Variants in CCDC175 observed in about 807,000 individuals in gnomAD.
CCDC175 encodes the protein coiled-coil domain containing 175, also known as coiled-coil domain-containing protein 175.
Under a neutral mutation model 114.6 loss-of-function variants are expected in CCDC175, and 100 were observed. The observed-to-expected ratio is 0.87, with a 90% CI of 0.74 to 1.03. The LOEUF is 1.03. Among genes scored for constraint, CCDC175 ranks in the 50% least tolerant of loss-of-function variants. The pLI is 0.00. For synonymous variants in CCDC175, 306 were observed against 308.7 expected (o/e 0.99, Z 0.09); for missense variants, 880 against 917.8 (o/e 0.96, Z 0.53).
chr14:59,547,237 A>C (rs1231916776), intron 8 of CCDC175, among the ~76,000 whole-genome samples: 1 of 152,228 alleles, frequency 6.6e-6, no homozygotes, highest in Non-Finnish European at 1.5e-5. Context: ...AACAAAGAAG[A>C]TCTAAAACAA....
intron 8 of CCDC175, among the ~76,000 whole-genome samples, chr14:59,548,825 T>A (rs1322575289): frequency 2.0e-5 from 3 of 152,148 alleles, no homozygotes; most frequent in Non-Finnish European, 4.4e-5. Flanking sequence ...ATGGAAAGCA[T>A]TTAATTGGTA....
intron 17 of CCDC175, 107 bp downstream of exon 17, chr14:59,521,467 T>C (rs1398300930): frequency 4.8e-6 from 3 of 627,792 alleles, no homozygotes; most frequent in Non-Finnish European, 8.2e-6. Context: ...CTTGTGATCA[T>C]GTGAGTCAGT....
chr14:59,537,903 G>A (rs1884734), intron 13 of CCDC175, 120 bp downstream of exon 13: 619,998 of 625,170 alleles, frequency 0.99, 307,564 homozygotes, highest in East Asian at 1. Context: ...TGAAATTGTA[G>A]CCTCTTTCAT....
chr14:59,551,133 G>T, intron 8 of CCDC175: 1 of 340,194 alleles, frequency 2.9e-6, no homozygotes. Context: ...CACATGAAAA[G>T]TTACCAAAAA....
At chr14:59,555,354 AG>A (rs1895819433) in intron 7 of CCDC175, among the ~76,000 whole-genome samples, 1 of 152,186 alleles carries the variant, frequency 6.6e-6, no homozygotes, top group Non-Finnish European at 1.5e-5. Context: ...ACAGAACCAA[AG>A]CAAAAGCCAC....
chr14:59,571,337 T>A (rs531450194), intron 3 of CCDC175, among the ~76,000 whole-genome samples: 9 of 152,226 alleles, frequency 5.9e-5, no homozygotes, highest in African/African-American at 2.2e-4. Context: ...ACCCATGGAA[T>A]GGGAAAAAAA....
In CCDC175 at chr14:59,509,267, T is replaced by C. The variant is rs1252349197; in HGVS notation, c.2305+1379A>G. Among the ~76,000 whole-genome samples, 5 of 152,190 alleles carry C rather than the reference T, an allele frequency of 3.3e-5. No homozygotes were observed. The East Asian group carries it at 9.6e-4, about 29-fold the overall frequency. On this transcript the variant is annotated intron_variant, in intron 19 of 19. Coordinates refer to ENST00000537690, the MANE Select transcript of CCDC175 (RefSeq NM_001164399.2). ...TGATCTATAGTTGGAAGGAATGGTC[T>C]GGCCTAGCAAAGGAAATACAAATAG...
At chr14:59,563,670 A>G (rs1896354416) in intron 6 of CCDC175, 67 bp downstream of exon 6, 1 of 1,001,544 alleles carries the variant, frequency 1.0e-6, no homozygotes, top group East Asian at 3.3e-5. Flanking sequence ...ATGAATTACA[A>G]TCAACTCCTT....
At chr14:59,524,073 CA>C (rs1893599213) in intron 16 of CCDC175, among the ~76,000 whole-genome samples, 1 of 151,996 alleles carries the variant, frequency 6.6e-6, no homozygotes, top group African/African-American at 2.4e-5. Flanking sequence ...ATGAAGCTTA[CA>C]AGTTCAGTGA....
At chr14:59,506,433 G>A (rs1346410493) in intron 19 of CCDC175, among the ~76,000 whole-genome samples, 1 of 151,748 alleles carries the variant, frequency 6.6e-6, no homozygotes, top group Non-Finnish European at 1.5e-5. Flanking sequence ...GATTATAGGT[G>A]CCCGCCATGA....
intron 8 of CCDC175, among the ~76,000 whole-genome samples, chr14:59,550,792 G>C (rs4901939): frequency 6.6e-6 from 1 of 151,840 alleles, no homozygotes; most frequent in Admixed American, 6.6e-5. Context: ...TATCCTGGCC[G>C]CACTGGCAGC....
At chr14:59,538,220 C>A (rs1328378814) in intron 12 of CCDC175, 66 bp from the exon 13 acceptor site, 3 of 1,331,836 alleles carry the variant, frequency 2.3e-6, no homozygotes, top group Non-Finnish European at 3.0e-6. Flanking sequence ...TTTCGAATAG[C>A]CAGGAAATTA....
intron 17 of CCDC175, among the ~76,000 whole-genome samples, chr14:59,512,805 GGTGTGTGTGTGTGT>G (rs140076678): frequency 5.0e-4 from 72 of 144,454 alleles, no homozygotes; most frequent in Non-Finnish European, 7.4e-4. Flanking sequence ...TCTCAGCAGG[GGTGTGTGTGTGTGT>G]GTGTGTGTGT....
intron 7 of CCDC175, among the ~76,000 whole-genome samples, chr14:59,555,084 G>C (rs564292830): frequency 6.6e-6 from 1 of 151,614 alleles, no homozygotes. Flanking sequence ...CCAATCAATA[G>C]AAAGAGGGAA....
At chr14:59,536,869 C>T (rs1052770374) in intron 13 of CCDC175, among the ~76,000 whole-genome samples, 1 of 151,846 alleles carries the variant, frequency 6.6e-6, no homozygotes, top group Non-Finnish European at 1.5e-5. Flanking sequence ...GCAACCTCTG[C>T]CTGCTGGGTT....
intron 14 of CCDC175, among the ~76,000 whole-genome samples, chr14:59,531,186 C>T (rs1802349144): frequency 6.6e-6 from 1 of 151,402 alleles, no homozygotes. Flanking sequence ...TGAATGATTA[C>T]ATCCAATTTT....
rs1427981355 is a variant in CCDC175, at chr14:59,527,088, C to A, written c.1842+7G>T. The A allele has an allele frequency of 1.0e-5, 14 of 1,376,170 alleles. No homozygotes were observed. The highest frequency in any genetic ancestry group is 5.8e-5 in the Admixed American group (2 of 34,622). 85.2% of individuals were successfully genotyped at this position (1,376,170 alleles called of 1,614,324 possible). A position where few individuals can be genotyped will look rare whatever the true frequency, so the allele number is the denominator to read the frequency against. On this transcript the variant is annotated splice_region_variant and intron_variant, in intron 15 of 19. Transcript: ENST00000537690. ...TAAAAAAAAGAATTAATGCATTGAT[C>A]TTTTACCATGTTGCTAATGTATCTT...
chr14:59,576,669 G>A lies in CCDC175; in HGVS notation c.107C>T (p.Thr36Ile). Residue 36 changes from threonine to isoleucine, a missense_variant, in exon 1 of 20, where the codon ACC (threonine) becomes ATC (isoleucine). Transcript: ENST00000537690. Reference sequence around the variant, plus strand: ...CTCGACCGCGACCGAGGAGCCCAGGGTGGAGGGTAAGGTGCATAACTCCAG... The same window carrying A: ...CTCGACCGCGACCGAGGAGCCCAGGATGGAGGGTAAGGTGCATAACTCCAG... ...PSLELCTLPS[T>I]LGSSVAVEAL... 2 of 1,484,714 alleles carry A rather than the reference G, an allele frequency of 1.3e-6. No homozygotes were observed. The highest frequency in any genetic ancestry group is 1.4e-5 in the African/African-American group (1 of 69,124). 92.0% of individuals were successfully genotyped at this position (1,484,714 alleles called of 1,614,324 possible). A position where few individuals can be genotyped will look rare whatever the true frequency, so the allele number is the denominator to read the frequency against.
At chr14:59,520,175 T>C (rs1367669336) in intron 17 of CCDC175, among the ~76,000 whole-genome samples, 1 of 152,214 alleles carries the variant, frequency 6.6e-6, no homozygotes, top group African/African-American at 2.4e-5. Context: ...AATATTCAAA[T>C]GGCCAAGAAA....
Sources: gnomAD v4.1 joint callset for allele counts (sites outside exome capture counted in the v4.1 genomes callset) on GRCh38, gnomAD v4.1.1 for gene constraint, MANE v1.5 for transcripts, NCBI Gene and HGNC (gene_info 2026-07-23, HGNC 2026-07-21) for gene names.